TENM3: variants seen among roughly 807,000 people sequenced by gnomAD.
TENM3 encodes the protein teneurin transmembrane protein 3.
In TENM3, 63 loss-of-function variants were observed where a neutral mutation model predicts 255.1. The ratio of observed to expected loss-of-function variants is 0.25; its 90% CI spans 0.20 to 0.30. The LOEUF (loss-of-function observed/expected upper bound fraction) is 0.30, where lower values mean the gene tolerates loss of function less well. TENM3 is among the 10% of genes least tolerant of loss of function. The pLI is 1.00. For missense variants in TENM3, 2,929 were observed against 3,461.1 expected (o/e 0.85, Z 3.86); for synonymous variants, 1,306 against 1,322.3 (o/e 0.99, Z 0.27).
chr4:181,826,255 A>G, the TENM3 span, among the ~76,000 whole-genome samples: 1 of 152,214 alleles, frequency 6.6e-6, no homozygotes, highest in African/African-American at 2.4e-5. Context: ...TTATTTGATA[A>G]CTAAAAAAAA....
the TENM3 span, among the ~76,000 whole-genome samples, chr4:181,747,071 G>T: frequency 1.1e-3 from 165 of 152,048 alleles, no homozygotes; most frequent in African/African-American, 3.7e-3. Context: ...TTTAAAATTT[G>T]TTTATATATA....
the TENM3 span, among the ~76,000 whole-genome samples, chr4:181,641,680 A>G: frequency 3.4e-5 from 3 of 87,656 alleles, no homozygotes; most frequent in African/African-American, 1.2e-4. Context: ...ATATATATAT[A>G]AAATATATAT....
chr4:182,047,542 C>A, the TENM3 span, among the ~76,000 whole-genome samples: 1 of 104,284 alleles, frequency 9.6e-6, no homozygotes, highest in Admixed American at 1.6e-4. Flanking sequence ...AGCCTGGTGA[C>A]AGAACGAGAC....
the TENM3 span, among the ~76,000 whole-genome samples, chr4:181,899,930 C>T: frequency 6.6e-6 from 1 of 152,154 alleles, no homozygotes; most frequent in African/African-American, 2.4e-5. Context: ...TTTTTTCCCA[C>T]TGACCTTTTT....
the TENM3 span, among the ~76,000 whole-genome samples, chr4:181,809,852 C>T: frequency 5.9e-5 from 9 of 152,164 alleles, no homozygotes; most frequent in African/African-American, 9.6e-5. Flanking sequence ...ATCCCAGGAA[C>T]GCAAGCAGCC....
intron 3 of TENM3, among the ~76,000 whole-genome samples, chr4:182,486,223 AAACCCTTTT>A (rs1287418500): frequency 2.7e-5 from 4 of 150,756 alleles, no homozygotes; most frequent in African/African-American, 9.8e-5. Context: ...AGGCTTTTAA[AAACCCTTTT>A]AAATAAACTT....
At chr4:181,640,589 C>T in the TENM3 span, among the ~76,000 whole-genome samples, 1 of 152,136 alleles carries the variant, frequency 6.6e-6, no homozygotes, top group Non-Finnish European at 1.5e-5. Flanking sequence ...ACCAGCAGGC[C>T]CAGCATTTTC....
At chr4:182,382,494 C>T (rs1767640848) in intron 3 of TENM3, among the ~76,000 whole-genome samples, 1 of 152,170 alleles carries the variant, frequency 6.6e-6, no homozygotes, top group Admixed American at 6.5e-5. Flanking sequence ...AGTTGAAGGA[C>T]TTTTCCAGGA....
rs867234258 is a variant in TENM3 at position 182,793,960 on chromosome 4, C to T, written c.7213+75C>T. The T allele has an allele frequency of 7.3e-7, 1 of 1,366,226 alleles. No homozygotes were observed. Among genetic ancestry groups the T allele is most frequent in the African/African-American group, 1.5e-5 (1 of 68,010 alleles). The allele number at this position is 1,366,226 out of a possible 1,614,324, so 84.6% of individuals were successfully genotyped here. A position where few individuals can be genotyped will look rare whatever the true frequency, so the allele number is the denominator to read the frequency against. ...TTAATACACAAAATAACTGGAAATGCTTTTTTAAAAAACTTTATACTTTAC... is the reference window on the plus strand; with the variant it reads ...TTAATACACAAAATAACTGGAAATGTTTTTTTAAAAAACTTTATACTTTAC... On this transcript the variant is annotated intron_variant, in intron 26 of 27. Transcript: ENST00000511685. The surrounding 1 kb of genome is among the most constrained non-coding windows in gnomAD (Gnocchi z 5.7).
chr4:182,790,548 C>T (rs1027079498), intron 25 of TENM3, among the ~76,000 whole-genome samples: 3 of 152,162 alleles, frequency 2.0e-5, no homozygotes, highest in African/African-American at 2.4e-5. Context: ...ACCTCTCTTA[C>T]GGCAGCCCCC....
At chr4:181,676,835 G>T in the TENM3 span, among the ~76,000 whole-genome samples, 1 of 152,050 alleles carries the variant, frequency 6.6e-6, no homozygotes, top group Non-Finnish European at 1.5e-5. Flanking sequence ...TCTCCCTAAA[G>T]TGACCAATGC....
the TENM3 span, among the ~76,000 whole-genome samples, chr4:181,653,373 CT>C: frequency 6.6e-6 from 1 of 152,004 alleles, no homozygotes; most frequent in African/African-American, 2.4e-5. Flanking sequence ...TGAGAAGTCA[CT>C]GGTCCAATCC....
intron 3 of TENM3, among the ~76,000 whole-genome samples, chr4:182,421,180 T>G (rs1166275938): frequency 6.6e-6 from 1 of 152,156 alleles, no homozygotes; most frequent in Non-Finnish European, 1.5e-5. Context: ...CTGTCTTCAT[T>G]GTCCTCACCC....
the TENM3 span, among the ~76,000 whole-genome samples, chr4:181,847,287 A>C: frequency 6.6e-6 from 1 of 152,252 alleles, no homozygotes; most frequent in African/African-American, 2.4e-5. Flanking sequence ...AATTTGGAAA[A>C]TAAAAGAGTA....
Position 182,441,521 on chromosome 4 carries a change from G to A in TENM3, c.511+94592G>A, listed in dbSNP as rs575888607. Among the ~76,000 whole-genome samples the A allele has an allele frequency of 1.6e-4, 25 of 151,668 alleles. No individual in the cohort carries two copies. The East Asian group carries it at 2.0e-3, about 12-fold the overall frequency. On this transcript the variant is annotated intron_variant, in intron 3 of 27. Transcript: ENST00000511685. ...TTTATTTATTATTATTTTTTGAGAT[G>A]GAGTCTCGCTCTGTTGCCCAGGCTG...
chr4:181,780,579 T>A, the TENM3 span, among the ~76,000 whole-genome samples: 6 of 152,208 alleles, frequency 3.9e-5, no homozygotes, highest in Non-Finnish European at 7.3e-5. Flanking sequence ...TCTCCCATTC[T>A]GTAGGTTGCC....
the TENM3 span, among the ~76,000 whole-genome samples, chr4:181,956,154 G>C: frequency 6.6e-6 from 1 of 152,120 alleles, no homozygotes; most frequent in Non-Finnish European, 1.5e-5. Context: ...AGAGCCCTCA[G>C]GGTCTCCTTC....
At chr4:181,767,118 G>A in the TENM3 span, among the ~76,000 whole-genome samples, 2,178 of 144,658 alleles carry the variant, frequency 0.015, 79 homozygotes, top group African/African-American at 0.054. Context: ...AGGGCGTGGT[G>A]GCGGGCGCCT....
chr4:182,377,254 A>G (rs1309974561), intron 3 of TENM3, among the ~76,000 whole-genome samples: 1 of 152,202 alleles, frequency 6.6e-6, no homozygotes, highest in Non-Finnish European at 1.5e-5. Context: ...CTCTTTGTTC[A>G]ACAATCAAAT....
Sources: allele counts gnomAD v4.1 joint callset (sites outside exome capture counted in the v4.1 genomes callset), GRCh38; gene constraint gnomAD v4.1.1; non-coding constraint Gnocchi (gnomAD v3.1); transcripts MANE v1.5; gene names NCBI Gene and HGNC (gene_info 2026-07-23, HGNC 2026-07-21).